The following ACOT12 variants were observed in gnomAD, a reference collection of about 807,000 sequenced individuals.
The protein encoded by ACOT12 is acetyl-coenzyme A thioesterase.
In ACOT12, 51 loss-of-function variants were observed where a neutral mutation model predicts 67.7. The observed-to-expected ratio is 0.75, with a 90% CI of 0.60 to 0.95. ACOT12 has a LOEUF of 0.95. ACOT12 is among the 40% of genes least tolerant of loss of function. The pLI, the probability that ACOT12 is intolerant of heterozygous loss-of-function variation, is 0.00. For synonymous variants in ACOT12, 251 were observed against 244.6 expected (o/e 1.03, Z -0.24); for missense variants, 734 against 708.1 (o/e 1.04, Z -0.41).
chr5:81,331,073 G>A, intron 13 of ACOT12, 133 bp from the exon 14 acceptor site: 1 of 1,055,684 alleles, frequency 9.5e-7, no homozygotes, highest in Non-Finnish European at 1.3e-6. Flanking sequence ...CTAGAAGAGT[G>A]GTCTCATCAG....
At chr5:81,343,773 A>G (rs1759280135) in intron 10 of ACOT12, 45 bp downstream of exon 10, 2 of 1,592,578 alleles carry the variant, frequency 1.3e-6, no homozygotes, top group Non-Finnish European at 1.7e-6. Context: ...CATTTTTGTA[A>G]TGATGAGACT....
chr5:81,346,649 G>A (rs190597390), intron 6 of ACOT12, among the ~76,000 whole-genome samples: 1 of 152,204 alleles, frequency 6.6e-6, no homozygotes, highest in Admixed American at 6.5e-5. Context: ...AACACCAAGC[G>A]AACAGATGCT....
the ACOT12 span, among the ~76,000 whole-genome samples, chr5:81,321,567 A>G: frequency 5.9e-5 from 9 of 152,242 alleles, no homozygotes; most frequent in East Asian, 1.7e-3. Context: ...ACAAACAAAA[A>G]ACTACCAGAC....
At chr5:81,317,849 T>C in the ACOT12 span, among the ~76,000 whole-genome samples, 1 of 151,876 alleles carries the variant, frequency 6.6e-6, no homozygotes, top group African/African-American at 2.4e-5. Context: ...GGTTTTCTTC[T>C]GAGTTTTATA....
In ACOT12 at chr5:81,330,248, G is replaced by T; in HGVS notation, c.*146C>A. On this transcript the variant is annotated 3_prime_UTR_variant, in exon 15 of 15. Transcript: ENST00000307624. ...AAATCACTGGTATTTGACTTAAGAT[G>T]CATTTTGTTTTTTAACTCCGTCACT... is the stretch of plus-strand genomic sequence containing the variant. The T allele has an allele frequency of 1.2e-6, 1 of 806,268 alleles. No individual in the cohort carries two copies. 49.9% of individuals were successfully genotyped at this position (806,268 alleles called of 1,614,324 possible). A position where few individuals can be genotyped will look rare whatever the true frequency, so the allele number is the denominator to read the frequency against.
chr5:81,324,114 G>A, the ACOT12 span, among the ~76,000 whole-genome samples: 1 of 151,690 alleles, frequency 6.6e-6, no homozygotes, highest in East Asian at 1.9e-4. Context: ...GCTAATTTTT[G>A]TTTTTTAATA....
Position 81,343,705 on chromosome 5 carries a change from C to T in ACOT12, c.1044+113G>A, listed in dbSNP as rs1759277504. 18 of 987,590 alleles carry T rather than the reference C, an allele frequency of 1.8e-5. 1 individual carries two copies. In the South Asian group the frequency reaches 2.6e-4, roughly 14 times the overall value. The allele number at this position is 987,590 out of a possible 1,614,324, so 61.2% of individuals were successfully genotyped here. A position where few individuals can be genotyped will look rare whatever the true frequency, so the allele number is the denominator to read the frequency against. ...TCTTGACATGACTGGCTGATATAAT[C>T]CACCTTTTCACATAGCCTGCGTAGG... is the stretch of plus-strand genomic sequence containing the variant. On this transcript the variant is annotated intron_variant, in intron 10 of 14. Coordinates refer to ENST00000307624, the MANE Select transcript of ACOT12 (RefSeq NM_130767.3).
chr5:81,347,669 G>T, intron 6 of ACOT12, 105 bp downstream of exon 6: 2 of 1,299,344 alleles, frequency 1.5e-6, no homozygotes, highest in Non-Finnish European at 1.1e-6. Flanking sequence ...ATTTTCCTCA[G>T]TCCTTTCCTT....
Position 81,330,423 on chromosome 5 carries a change from G to A in ACOT12, c.1639C>T (p.Pro547Ser), listed in dbSNP as rs1758777172. The A allele has an allele frequency of 1.2e-6, 2 of 1,613,502 alleles. No individual in the cohort carries two copies. The highest frequency in any genetic ancestry group is 1.7e-6 in the Non-Finnish European group (2 of 1,179,796). ...ASCIQFLENP[P>S]DDGFVSTF Reference sequence around the variant, plus strand: ...AATGTGCTTACAAACCCATCATCAGGAGGATTCTCTAAGAACTGTATACAA... The same window carrying A: ...AATGTGCTTACAAACCCATCATCAGAAGGATTCTCTAAGAACTGTATACAA... Residue 547 changes from proline (P) to serine (S), a missense_variant, in exon 15 of 15, where the codon CCT becomes TCT. Pro to Ser is a moderately conservative substitution (Grantham distance 74). Coordinates refer to ENST00000307624, the MANE Select transcript of ACOT12 (RefSeq NM_130767.3).
intron 11 of ACOT12, among the ~76,000 whole-genome samples, chr5:81,337,135 A>G (rs1371515644): frequency 6.6e-6 from 1 of 152,190 alleles, no homozygotes. Context: ...AAGGAGTTTC[A>G]TTGGTGTATA....
At chr5:81,360,555 A>G (rs1759874334) in intron 4 of ACOT12, among the ~76,000 whole-genome samples, 1 of 152,208 alleles carries the variant, frequency 6.6e-6, no homozygotes, top group South Asian at 2.1e-4. Context: ...AAAACAAAAG[A>G]ATCAATATGT....
At chr5:81,343,292 TATCTTGAACCCTTAA>T (rs1349520338) in intron 10 of ACOT12, among the ~76,000 whole-genome samples, 1 of 152,178 alleles carries the variant, frequency 6.6e-6, no homozygotes, top group Non-Finnish European at 1.5e-5. Context: ...ATATACTTTT[TATCTTGAACCCTTAA>T]TTCAGAATTC....
In ACOT12 at chr5:81,332,502, A is replaced by G. The variant is rs1758860333; in HGVS notation, c.1366T>C (p.Ser456Pro). 1 of 1,614,070 alleles carries G rather than the reference A, an allele frequency of 6.2e-7. No individual in the cohort carries two copies. The highest frequency in any genetic ancestry group is 8.5e-7 in the Non-Finnish European group (1 of 1,179,998). Reference sequence around the variant, plus strand: ...CCATCTTTGAGGGGTTTTCTTCGTGATACGAGTACTACCAAGTCTTTGGGT... The same window carrying G: ...CCATCTTTGAGGGGTTTTCTTCGTGGTACGAGTACTACCAAGTCTTTGGGT... ...DKPKDLVVLV[S>P]RRKPLKDGNT... Residue 456 changes from serine (S) to proline (P), a missense_variant, in exon 13 of 15, where the codon TCA becomes CCA. By Grantham distance (74) the Ser-to-Pro change is moderately conservative. Transcript: ENST00000307624.
intron 1 of ACOT12, 54 bp from the exon 2 acceptor site, chr5:81,385,880 A>G (rs1331373330): frequency 7.9e-6 from 12 of 1,521,220 alleles, no homozygotes; most frequent in Non-Finnish European, 1.1e-5. Context: ...AGAATATTTC[A>G]GTATAAGGGA....
intron 3 of ACOT12, among the ~76,000 whole-genome samples, chr5:81,365,935 A>T (rs1177129528): frequency 4.6e-5 from 7 of 152,210 alleles, no homozygotes; most frequent in Non-Finnish European, 7.3e-5. Flanking sequence ...GGTTGATACT[A>T]ACTGGACCAT....
intron 1 of ACOT12, among the ~76,000 whole-genome samples, chr5:81,387,774 G>A (rs1389350110): frequency 2.0e-5 from 3 of 152,064 alleles, no homozygotes; most frequent in Non-Finnish European, 4.4e-5. Flanking sequence ...CAAACTCCTG[G>A]ACTCAAGTGA....
In ACOT12 at chr5:81,330,466, A is replaced by G; in HGVS notation, c.1596T>C (p.Ile532=). Reference sequence around the variant, plus strand: ...GTATACAAGAGGCTGCTGTTTCTTCAATGGATTTTGACCAGCCACCAAGAT... The same window carrying G: ...GTATACAAGAGGCTGCTGTTTCTTCGATGGATTTTGACCAGCCACCAAGAT... The part of the protein sequence containing the change: ...AGNLGGWSKS[I]EETAASCIQF... The change falls in exon 15 of 15, where the codon ATT becomes ATC. Residue 532 remains isoleucine, a synonymous_variant. Transcript: ENST00000307624. The G allele has an allele frequency of 6.2e-7, 1 of 1,614,174 alleles. No homozygotes were observed. Among genetic ancestry groups the G allele is most frequent in the South Asian group, 1.1e-5 (1 of 91,084 alleles).
At chr5:81,356,582 C>T (rs2153853222) in intron 5 of ACOT12, among the ~76,000 whole-genome samples, 1 of 152,228 alleles carries the variant, frequency 6.6e-6, no homozygotes, top group African/African-American at 2.4e-5. Context: ...ACTTCAGACT[C>T]CATATGCCTA....
chr5:81,368,145 A>T (rs1407312009), intron 3 of ACOT12, among the ~76,000 whole-genome samples: 1 of 152,156 alleles, frequency 6.6e-6, no homozygotes, highest in Non-Finnish European at 1.5e-5. Flanking sequence ...TACAAAAATT[A>T]GCTGGGCGTG....
Sources: allele counts gnomAD v4.1 joint callset (sites outside exome capture counted in the v4.1 genomes callset), GRCh38; gene constraint gnomAD v4.1.1; transcripts MANE v1.5; gene names NCBI Gene and HGNC (gene_info 2026-07-23, HGNC 2026-07-21).